Variants in MTUS2 observed in about 807,000 individuals in gnomAD.
The protein encoded by MTUS2 is microtubule associated scaffold protein 2, also known as microtubule-associated tumor suppressor candidate 2.
A neutral mutation model predicts 114.1 loss-of-function variants in MTUS2; 40 were observed. The ratio of observed to expected loss-of-function variants is 0.35; its 90% CI spans 0.27 to 0.46. The LOEUF (loss-of-function observed/expected upper bound fraction) is 0.46. Among genes scored for constraint, MTUS2 ranks in the 20% least tolerant of loss-of-function variants. MTUS2 has a pLI of 1.00. For missense variants in MTUS2, 1,679 were observed against 1,705.4 expected (o/e 0.98, Z 0.27); for synonymous variants, 688 against 672.0 (o/e 1.02, Z -0.37).
chr13:29,160,436 C>G (rs759223798), intron 5 of MTUS2, among the ~76,000 whole-genome samples: 1 of 152,108 alleles, frequency 6.6e-6, no homozygotes, highest in Non-Finnish European at 1.5e-5. Context: ...GGCTTCTGGT[C>G]AACAGTAGGC....
intron 2 of MTUS2, among the ~76,000 whole-genome samples, chr13:28,959,341 C>T (rs1436148462): frequency 6.6e-6 from 1 of 152,162 alleles, no homozygotes. Context: ...GCAGTGGTGT[C>T]AGAGAAGGCC....
chr13:29,492,355 T>C (rs1882249601), intron 11 of MTUS2, among the ~76,000 whole-genome samples: 1 of 151,616 alleles, frequency 6.6e-6, no homozygotes. Flanking sequence ...GGGTGTGTGA[T>C]GTTTGCGTGT....
intron 4 of MTUS2, among the ~76,000 whole-genome samples, chr13:29,099,115 AGT>A (rs1344317846): frequency 6.6e-6 from 1 of 152,236 alleles, no homozygotes; most frequent in African/African-American, 2.4e-5. Flanking sequence ...ATGAACTAAA[AGT>A]ATTCAAAATA....
At chr13:29,475,854 A>G (rs569357279) in intron 9 of MTUS2, among the ~76,000 whole-genome samples, 12 of 152,206 alleles carry the variant, frequency 7.9e-5, no homozygotes, top group Non-Finnish European at 1.5e-4. Flanking sequence ...TATCTTGAGC[A>G]CAGAAAAATT....
At chr13:29,422,048 G>T (rs1309322627) in intron 8 of MTUS2, among the ~76,000 whole-genome samples, 1 of 152,166 alleles carries the variant, frequency 6.6e-6, no homozygotes, top group Admixed American at 6.5e-5. Flanking sequence ...CTTGCTCTAA[G>T]ATAGAAAAAT....
chr13:28,843,415 A>C (rs960343137), intron 2 of MTUS2, among the ~76,000 whole-genome samples: 21 of 152,200 alleles, frequency 1.4e-4, no homozygotes, highest in African/African-American at 4.6e-4. Context: ...CGGGGTCACA[A>C]AGTCTGTTTT....
rs34068964 is a variant in MTUS2 at position 29,337,955 on chromosome 13, A to ATT, written c.2905+13257_2905+13258dup. On this transcript the variant is annotated intron_variant, in intron 7 of 15. Coordinates refer to ENST00000612955, the MANE Select transcript of MTUS2 (RefSeq NM_001033602.4). ...AGGTGTGTGTCACTATGCCCTGCTA[A>ATT]TTTTTTTTTTTTTTAGTAGAGACAG... 9.1e-4 allele frequency among the ~76,000 whole-genome samples: 131 copies of ATT among 143,428 alleles called. 1 individual carries two copies. Among genetic ancestry groups the ATT allele is most frequent in the African/African-American group, 1.5e-3 (59 of 38,784 alleles). The allele number at this position is 143,428 out of a possible 152,430, so 94.1% of individuals were successfully genotyped here. A position where few individuals can be genotyped will look rare whatever the true frequency, so the allele number is the denominator to read the frequency against.
intron 11 of MTUS2, 135 bp downstream of exon 11, chr13:29,488,140 G>T (rs557859135): frequency 1.6e-5 from 11 of 672,892 alleles, no homozygotes; most frequent in African/African-American, 1.1e-4. Context: ...ATTTTTTCCT[G>T]TTGGCTCCTG....
At chr13:29,215,474 GTTT>G (rs71090232) in intron 5 of MTUS2, among the ~76,000 whole-genome samples, 15,146 of 129,828 alleles carry the variant, frequency 0.12, 996 homozygotes, top group East Asian at 0.35. Flanking sequence ...TTTTTTTGCT[GTTT>G]TTTTTTTTTT....
chr13:29,449,936 G>A (rs1340458192), intron 9 of MTUS2, among the ~76,000 whole-genome samples: 1 of 152,172 alleles, frequency 6.6e-6, no homozygotes, highest in East Asian at 1.9e-4. Context: ...CAGAAGGTGA[G>A]CGCTGAGGAG....
intron 2 of MTUS2, among the ~76,000 whole-genome samples, chr13:28,989,110 T>A (rs1218901235): frequency 6.6e-6 from 1 of 152,146 alleles, no homozygotes; most frequent in African/African-American, 2.4e-5. Flanking sequence ...TGAGGGAGAT[T>A]TATATTGATT....
intron 8 of MTUS2, among the ~76,000 whole-genome samples, chr13:29,375,578 T>A: frequency 2.6e-4 from 1 of 3,804 alleles, no homozygotes; most frequent in African/African-American, 6.3e-4. Flanking sequence ...TATATACATA[T>A]ATATATATAC....
intron 2 of MTUS2, among the ~76,000 whole-genome samples, chr13:28,913,935 A>T (rs1026147000): frequency 6.6e-5 from 10 of 151,738 alleles, no homozygotes; most frequent in African/African-American, 2.4e-4. Flanking sequence ...TGATGGTTGT[A>T]TTTCTGTGGG....
intron 7 of MTUS2, among the ~76,000 whole-genome samples, chr13:29,331,552 C>T (rs1900780344): frequency 6.6e-6 from 1 of 152,198 alleles, no homozygotes; most frequent in South Asian, 2.1e-4. Flanking sequence ...CACTACCTGA[C>T]TTCAAACTAT....
At chr13:28,904,562 A>G (rs1387887156) in intron 2 of MTUS2, among the ~76,000 whole-genome samples, 19 of 152,108 alleles carry the variant, frequency 1.2e-4, no homozygotes, top group East Asian at 9.7e-4. Flanking sequence ...TCAGATGGTT[A>G]TAGATATGCA....
chr13:29,408,943 A>C (rs1875003628), intron 8 of MTUS2, among the ~76,000 whole-genome samples: 2 of 152,206 alleles, frequency 1.3e-5, no homozygotes, highest in South Asian at 4.1e-4. Context: ...TTTCTCCAAC[A>C]ATGAAAAACA....
intron 9 of MTUS2, among the ~76,000 whole-genome samples, chr13:29,467,703 T>G (rs1879988650): frequency 6.6e-6 from 1 of 152,252 alleles, no homozygotes; most frequent in Admixed American, 6.5e-5. Flanking sequence ...TTTGCCTCCA[T>G]AAATCATTCT....
At chr13:28,946,908 AG>A (rs1237680801) in intron 2 of MTUS2, among the ~76,000 whole-genome samples, 3 of 152,092 alleles carry the variant, frequency 2.0e-5, no homozygotes, top group Non-Finnish European at 2.9e-5. Flanking sequence ...TCCATGTAGA[AG>A]TCATTTTCCT....
intron 2 of MTUS2, among the ~76,000 whole-genome samples, chr13:28,972,665 T>A (rs1883907823): frequency 6.6e-6 from 1 of 152,208 alleles, no homozygotes; most frequent in Admixed American, 6.5e-5. Context: ...GCAGGGTGTT[T>A]GAGAATGGCT....
Sources: gnomAD v4.1 joint callset for allele counts (sites outside exome capture counted in the v4.1 genomes callset) on GRCh38, gnomAD v4.1.1 for gene constraint, MANE v1.5 for transcripts, NCBI Gene and HGNC (gene_info 2026-07-23, HGNC 2026-07-21) for gene names.